The following GRID2 variants were observed in gnomAD, a reference collection of about 807,000 sequenced individuals.
GRID2 encodes the protein glutamate receptor ionotropic, delta-2.
GRID2 carries 33 observed loss-of-function variants against 114.8 expected under a neutral mutation model. The observed-to-expected ratio is 0.29, with a 90% CI of 0.22 to 0.38. GRID2 has a LOEUF of 0.38. Ranked by LOEUF, GRID2 falls within the 10% of genes least tolerant of loss-of-function variation. GRID2 has a pLI of 1.00. For missense variants in GRID2, 1,184 were observed against 1,257.7 expected, an observed-to-expected ratio of 0.94 and a Z score of 0.89; for synonymous variants, 505 against 449.9, an observed-to-expected ratio of 1.12 and a Z score of -1.55.
intron 1 of GRID2, among the ~76,000 whole-genome samples, chr4:92,438,413 T>A (rs1188574004): frequency 2.0e-5 from 3 of 152,150 alleles, no homozygotes; most frequent in Admixed American, 2.0e-4. Flanking sequence ...TGTGCTCCCA[T>A]AATCCCTGTC....
intron 14 of GRID2, among the ~76,000 whole-genome samples, chr4:93,633,567 C>G (rs866167932): frequency 2.0e-4 from 31 of 152,102 alleles, no homozygotes; most frequent in African/African-American, 7.2e-4. Context: ...AAAGATCAGC[C>G]CATTTACTTA....
At chr4:92,566,440 C>T (rs72661953) in intron 1 of GRID2, among the ~76,000 whole-genome samples, 3 of 152,008 alleles carry the variant, frequency 2.0e-5, no homozygotes, top group Non-Finnish European at 4.4e-5. Flanking sequence ...AACACAGTTT[C>T]GGACAATAGG....
chr4:92,491,446 G>C (rs1239379297), intron 1 of GRID2, among the ~76,000 whole-genome samples: 2 of 152,070 alleles, frequency 1.3e-5, no homozygotes, highest in African/African-American at 2.4e-5. Flanking sequence ...TTGTCATCAG[G>C]TTAGCTCAGT....
At chr4:92,892,871 G>T (rs995162094) in intron 2 of GRID2, among the ~76,000 whole-genome samples, 16 of 152,160 alleles carry the variant, frequency 1.1e-4, no homozygotes, top group African/African-American at 3.6e-4. Flanking sequence ...AATTTTATTT[G>T]TTAAAGGAAA....
chr4:92,339,766 T>C (rs1003443535), intron 1 of GRID2, among the ~76,000 whole-genome samples: 1 of 152,294 alleles, frequency 6.6e-6, no homozygotes, highest in Admixed American at 6.5e-5. Context: ...CTGCACAAGA[T>C]AATTTTAATA....
chr4:93,178,953 G>C (rs936056662), intron 4 of GRID2, among the ~76,000 whole-genome samples: 1 of 151,882 alleles, frequency 6.6e-6, no homozygotes, highest in Non-Finnish European at 1.5e-5. Flanking sequence ...TACCACCTAG[G>C]GTATAAGTCA....
Position 92,906,659 on chromosome 4 carries a change from C to T in GRID2, c.245-178336C>T, listed in dbSNP as rs574341033. Among the ~76,000 whole-genome samples the T allele has an allele frequency of 3.3e-5, 5 of 152,216 alleles. No individual in the cohort carries two copies. In the East Asian group the frequency reaches 9.7e-4, roughly 29 times the overall value. ...TTAGAGGCAGAGTCTCACTCTGTCA[C>T]CCAGGCTGGAGTGCAGTGGTGTGAT... is the stretch of plus-strand genomic sequence containing the variant. On this transcript the variant is annotated intron_variant, in intron 2 of 15. Transcript: ENST00000282020.
chr4:93,047,086 C>G (rs1726220319), intron 2 of GRID2, among the ~76,000 whole-genome samples: 1 of 151,862 alleles, frequency 6.6e-6, no homozygotes, highest in African/African-American at 2.4e-5. Flanking sequence ...TAACTCCAGT[C>G]CTGTCATGAG....
chr4:92,772,761 G>A (rs1249486686), intron 2 of GRID2, among the ~76,000 whole-genome samples: 2 of 152,142 alleles, frequency 1.3e-5, no homozygotes, highest in African/African-American at 2.4e-5. Flanking sequence ...GGAAAATGAA[G>A]GTTGAGAATT....
intron 14 of GRID2, among the ~76,000 whole-genome samples, chr4:93,762,386 G>A (rs561810891): frequency 6.6e-6 from 1 of 151,990 alleles, no homozygotes; most frequent in Non-Finnish European, 1.5e-5. Context: ...TTATCCTCAC[G>A]AATTTCTACC....
At chr4:93,181,484 C>A (rs894232021) in intron 4 of GRID2, among the ~76,000 whole-genome samples, 10 of 152,160 alleles carry the variant, frequency 6.6e-5, no homozygotes, top group Non-Finnish European at 1.5e-4. Context: ...GGATGGTCAG[C>A]CGTCCTTCGA....
chr4:93,057,137 G>C (rs1727325113), intron 2 of GRID2, among the ~76,000 whole-genome samples: 1 of 147,628 alleles, frequency 6.8e-6, no homozygotes, highest in South Asian at 2.2e-4. Context: ...AAAAGTGACT[G>C]AAGTGTGTGA....
intron 2 of GRID2, among the ~76,000 whole-genome samples, chr4:93,002,168 CA>C (rs1172288130): frequency 6.6e-6 from 1 of 151,306 alleles, no homozygotes; most frequent in African/African-American, 2.4e-5. Flanking sequence ...CTCAATCTTA[CA>C]AATAATAAAT....
chr4:92,313,059 G>T (rs1725785107), intron 1 of GRID2, among the ~76,000 whole-genome samples: 1 of 149,878 alleles, frequency 6.7e-6, no homozygotes, highest in South Asian at 2.1e-4. Flanking sequence ...GTCAAAGAAT[G>T]AGTGGATAAA....
At chr4:92,866,216 A>C (rs192474480) in intron 2 of GRID2, among the ~76,000 whole-genome samples, 1 of 152,082 alleles carries the variant, frequency 6.6e-6, no homozygotes, top group Non-Finnish European at 1.5e-5. Flanking sequence ...TCATCACTCA[A>C]ATTGTTGATA....
At chr4:93,444,746 A>C (rs2149396567) in intron 10 of GRID2, among the ~76,000 whole-genome samples, 1 of 152,152 alleles carries the variant, frequency 6.6e-6, no homozygotes, top group South Asian at 2.1e-4. Context: ...TCTGTGCAGT[A>C]TTTAGAAAGA....
chr4:93,566,390 A>G (rs1231050024), intron 13 of GRID2, among the ~76,000 whole-genome samples: 3 of 152,142 alleles, frequency 2.0e-5, no homozygotes, highest in Admixed American at 2.0e-4. Context: ...CTGCAAGGAG[A>G]TGAGGGGATT....
chr4:93,511,076 A>G (rs1578157972), intron 12 of GRID2, among the ~76,000 whole-genome samples: 1 of 152,028 alleles, frequency 6.6e-6, no homozygotes, highest in Non-Finnish European at 1.5e-5. Context: ...AGCTGGGATT[A>G]CAGGTGTGTA....
intron 3 of GRID2, among the ~76,000 whole-genome samples, chr4:93,106,478 C>A (rs1186204896): frequency 6.6e-6 from 1 of 152,186 alleles, no homozygotes; most frequent in Non-Finnish European, 1.5e-5. Flanking sequence ...TCCTAAGTAG[C>A]TGGGACGACG....
Sources: allele counts gnomAD v4.1 joint callset (sites outside exome capture counted in the v4.1 genomes callset), GRCh38; gene constraint gnomAD v4.1.1; transcripts MANE v1.5; gene names NCBI Gene and HGNC (gene_info 2026-07-23, HGNC 2026-07-21).